The following LRRC8B variants were observed in gnomAD, a reference collection of about 807,000 sequenced individuals.
LRRC8B encodes volume-regulated anion channel subunit LRRC8B.
Under a neutral mutation model 58.8 loss-of-function variants are expected in LRRC8B, and 23 were observed. The observed-to-expected ratio is 0.39, with a 90% CI of 0.28 to 0.55. The LOEUF (loss-of-function observed/expected upper bound fraction) is 0.55. Ranked by LOEUF, LRRC8B falls within the 20% of genes least tolerant of loss-of-function variation. The pLI, the probability that LRRC8B is intolerant of heterozygous loss-of-function variation, is 0.62. For missense variants in LRRC8B, 694 were observed against 936.0 expected, an observed-to-expected ratio of 0.74 and a Z score of 3.37; for synonymous variants, 359 against 374.1, an observed-to-expected ratio of 0.96 and a Z score of 0.47.
intron 1 of LRRC8B, among the ~76,000 whole-genome samples, chr1:89,567,309 G>A (rs1355787384): frequency 6.6e-6 from 1 of 152,088 alleles, no homozygotes; most frequent in Non-Finnish European, 1.5e-5. Context: ...TGAATGATTT[G>A]GTTTTATCCT....
At chr1:89,530,917 C>T (rs1169278052) in intron 1 of LRRC8B, among the ~76,000 whole-genome samples, 4 of 152,126 alleles carry the variant, frequency 2.6e-5, no homozygotes, top group Non-Finnish European at 5.9e-5. Context: ...AACAATGCCT[C>T]TCTAATCCCT....
At chr1:89,582,246 G>GAAAGA (rs770070209) in intron 4 of LRRC8B, among the ~76,000 whole-genome samples, 1 of 151,708 alleles carries the variant, frequency 6.6e-6, no homozygotes, top group Non-Finnish European at 1.5e-5. Context: ...AAGAAAGAAA[G>GAAAGA]AAAAAAATAT....
chr1:89,551,546 T>G (rs80354837), intron 1 of LRRC8B, among the ~76,000 whole-genome samples: 5,683 of 152,290 alleles, frequency 0.037, 163 homozygotes, highest in Non-Finnish European at 0.054. Flanking sequence ...TAAGGATAGA[T>G]AGAAAATGAA....
chr1:89,559,653 T>C (rs536749373), intron 1 of LRRC8B, among the ~76,000 whole-genome samples: 14 of 141,868 alleles, frequency 9.9e-5, no homozygotes, highest in South Asian at 2.2e-4. Context: ...CACACACACA[T>C]ATATGTACAC....
At chr1:89,545,753 CAG>C (rs1172292905) in intron 1 of LRRC8B, among the ~76,000 whole-genome samples, 1 of 152,116 alleles carries the variant, frequency 6.6e-6, no homozygotes, top group Admixed American at 6.5e-5. Context: ...AACAATAAGA[CAG>C]ATGTCCCAAG....
At chr1:89,529,641 T>C (rs1366772403) in intron 1 of LRRC8B, among the ~76,000 whole-genome samples, 5 of 152,206 alleles carry the variant, frequency 3.3e-5, no homozygotes, top group Non-Finnish European at 7.3e-5. Context: ...CAAAAATCAG[T>C]ACTTATTCTA....
At chr1:89,560,772 A>G (rs1304696731) in intron 1 of LRRC8B, among the ~76,000 whole-genome samples, 1 of 150,404 alleles carries the variant, frequency 6.6e-6, no homozygotes, top group Non-Finnish European at 1.5e-5. Flanking sequence ...ACATTTTCTT[A>G]ATCCAGTCTA....
intron 5 of LRRC8B, among the ~76,000 whole-genome samples, chr1:89,591,838 A>G (rs1346452928): frequency 6.6e-6 from 1 of 152,058 alleles, no homozygotes; most frequent in East Asian, 1.9e-4. Context: ...ATTATTTCAT[A>G]GTTTTTGTAG....
At chr1:89,529,548 A>C (rs1485703155) in intron 1 of LRRC8B, among the ~76,000 whole-genome samples, 1 of 152,154 alleles carries the variant, frequency 6.6e-6, no homozygotes, top group Non-Finnish European at 1.5e-5. Context: ...TGAAAGAAAA[A>C]AAGTATATAA....
intron 3 of LRRC8B, among the ~76,000 whole-genome samples, chr1:89,574,440 G>T (rs1211341718): frequency 1.3e-5 from 2 of 152,110 alleles, no homozygotes; most frequent in African/African-American, 4.8e-5. Context: ...ATGTCAAATG[G>T]TACCCTTGTT....
rs1258675273 is a variant in LRRC8B, at chr1:89,594,652, T to A, written c.*1609T>A. 2 of 152,188 alleles carry A rather than the reference T, an allele frequency of 1.3e-5. No individual in the cohort carries two copies. The highest frequency in any genetic ancestry group is 2.9e-5 in the Non-Finnish European group (2 of 68,004). The allele number at this position is 152,188 out of a possible 1,614,324, so 9.4% of individuals were successfully genotyped here. On this transcript the variant is annotated 3_prime_UTR_variant, in exon 6 of 6. Coordinates refer to ENST00000330947, the MANE Select transcript of LRRC8B (RefSeq NM_001369817.2). Reference sequence around the variant, plus strand: ...TTAACTGAAATTCATCTCATGCCTTTATCTAACTCTTCTGGAAAATACATT... The same window carrying A: ...TTAACTGAAATTCATCTCATGCCTTAATCTAACTCTTCTGGAAAATACATT...
chr1:89,575,890 A>G (rs547650758), intron 3 of LRRC8B, among the ~76,000 whole-genome samples: 2 of 152,124 alleles, frequency 1.3e-5, no homozygotes, highest in Non-Finnish European at 2.9e-5. Context: ...TTTCTTTTTA[A>G]ACATATTGTA....
intron 1 of LRRC8B, among the ~76,000 whole-genome samples, chr1:89,535,910 A>T (rs984537192): frequency 6.6e-6 from 1 of 152,082 alleles, no homozygotes; most frequent in Non-Finnish European, 1.5e-5. Flanking sequence ...TTTCTTTACA[A>T]ATAAATGCAA....
chr1:89,563,406 G>A (rs146576381), intron 1 of LRRC8B, among the ~76,000 whole-genome samples: 12 of 152,188 alleles, frequency 7.9e-5, no homozygotes, highest in Admixed American at 7.2e-4. Flanking sequence ...GAGGTTACCG[G>A]CACAGGTTAA....
chr1:89,525,284 G>A (rs1649585733), intron 1 of LRRC8B, among the ~76,000 whole-genome samples: 2 of 152,168 alleles, frequency 1.3e-5, no homozygotes. Flanking sequence ...GGGTCATTTG[G>A]AGCAAGAGGT....
At chr1:89,535,290 A>G (rs1439996000) in intron 1 of LRRC8B, among the ~76,000 whole-genome samples, 1 of 152,178 alleles carries the variant, frequency 6.6e-6, no homozygotes, top group Non-Finnish European at 1.5e-5. Flanking sequence ...CAAATTAGCT[A>G]TCAACTGTTA....
chr1:89,557,730 A>G (rs550178680), intron 1 of LRRC8B, among the ~76,000 whole-genome samples: 2 of 152,334 alleles, frequency 1.3e-5, no homozygotes, highest in South Asian at 2.1e-4. Flanking sequence ...CAGATACATA[A>G]AAGTTTCCTA....
intron 3 of LRRC8B, among the ~76,000 whole-genome samples, chr1:89,574,613 ATACT>A (rs1653710231): frequency 6.6e-6 from 1 of 151,682 alleles, no homozygotes; most frequent in African/African-American, 2.4e-5. Flanking sequence ...TTTTTTTTTG[ATACT>A]GTGATCAAAG....
At position 89,584,056 on chromosome 1, in the gene LRRC8B, G is replaced by A. The variant is rs3795832; in HGVS notation, c.1406G>A (p.Arg469His). 5,753 of 1,614,088 alleles carry A rather than the reference G, an allele frequency of 3.6e-3. 184 individuals are homozygous for A. In the East Asian group the frequency reaches 0.073, roughly 21 times the overall value. The change falls in exon 5 of 6, where the codon CGT becomes CAT. Residue 469 changes from arginine to histidine, a missense_variant. Arg to His is a conservative substitution (Grantham distance 29). This residue lies in a region of LRRC8B where 162 missense variants were observed against 198.5 expected (regional missense o/e 0.82). Coordinates refer to ENST00000330947, the MANE Select transcript of LRRC8B (RefSeq NM_001369817.2). ...CAGCTGGTCAACCTCAAGGAGCTTC[G>A]TGTGTACCATTCATCTCTGGTCGTA... ...VSQLVNLKEL[R>H]VYHSSLVVDH...
Sources: gnomAD v4.1 joint callset for allele counts (sites outside exome capture counted in the v4.1 genomes callset) on GRCh38, gnomAD v4.1.1 for gene constraint, gnomAD v4.1.1 regional missense constraint, MANE v1.5 for transcripts, NCBI Gene and HGNC (gene_info 2026-07-23, HGNC 2026-07-21) for gene names.